Variants in GBF1 observed in about 807,000 individuals in gnomAD.
The protein encoded by GBF1 is Golgi-specific brefeldin A-resistance guanine nucleotide exchange factor 1.
In GBF1, 114 loss-of-function variants were observed where a neutral mutation model predicts 210.5. The ratio of observed to expected loss-of-function variants is 0.54; its 90% CI spans 0.47 to 0.63. GBF1 has a LOEUF of 0.63. Among genes scored for constraint, GBF1 ranks in the 30% least tolerant of loss-of-function variants. The probability of loss-of-function intolerance (pLI) is 0.00; values close to 1 mark genes in which losing one functional copy is unlikely to be tolerated. For synonymous variants in GBF1, 850 were observed against 889.2 expected (o/e 0.96, Z 0.78); for missense variants, 1,851 against 2,357.7 (o/e 0.79, Z 4.45).
chr10:102,260,770 C>T (rs1003497123), intron 3 of GBF1, among the ~76,000 whole-genome samples: 20 of 152,014 alleles, frequency 1.3e-4, no homozygotes, highest in Non-Finnish European at 8.8e-5. Context: ...AGCCACTGCG[C>T]CTGGCCTATA....
At chr10:102,373,756 A>G (rs576380089) in intron 29 of GBF1, among the ~76,000 whole-genome samples, 1 of 152,352 alleles carries the variant, frequency 6.6e-6, no homozygotes, top group South Asian at 2.1e-4. Context: ...TTACCATACA[A>G]CCCAGCAATT....
At chr10:102,339,790 A>C (rs1398771371) in intron 3 of GBF1, among the ~76,000 whole-genome samples, 1 of 152,138 alleles carries the variant, frequency 6.6e-6, no homozygotes, top group South Asian at 2.1e-4. Flanking sequence ...TGGCCAATTT[A>C]ATTTTTATTT....
intron 3 of GBF1, among the ~76,000 whole-genome samples, chr10:102,294,467 C>T (rs1046737820): frequency 7.3e-5 from 11 of 150,792 alleles, no homozygotes; most frequent in South Asian, 4.2e-4. Flanking sequence ...CTGCAACCTT[C>T]GCCTCCTGGG....
Position 102,351,339 on chromosome 10 carries a change from G to A in GBF1, c.379G>A (p.Ala127Thr). ...TGCTCGTTTTGTGGGCACGGATCCT[G>A]CCAGTGATGAAGTTGTCCTGATGAA... ...THARFVGTDP[A>T]SDEVVLMKIL... The change falls in exon 5 of 40, where the codon GCC becomes ACC. Residue 127 changes from alanine to threonine, a missense_variant. By Grantham distance (58) the Ala-to-Thr change is moderately conservative (BLOSUM62 0). Transcript: ENST00000369983. The A allele has an allele frequency of 6.2e-7, 1 of 1,606,658 alleles. No homozygotes were observed. Among genetic ancestry groups the A allele is most frequent in the Non-Finnish European group, 8.5e-7 (1 of 1,173,178 alleles).
At chr10:102,286,101 C>G (rs1023734294) in intron 3 of GBF1, among the ~76,000 whole-genome samples, 1 of 151,932 alleles carries the variant, frequency 6.6e-6, no homozygotes, top group African/African-American at 2.4e-5. Context: ...TGATCAAAGT[C>G]AGGCTTTGAA....
In GBF1 at chr10:102,363,771, A is replaced by G. The variant is rs753385043; in HGVS notation, c.2079A>G (p.Glu693=). ...RFSCLLPDPR[E]LIEIKNKKKL... ...CCTGTCTCCTGCCAGATCCACGGGA[A>G]CTAATTGAAATTAAAAACAAAAAGA... The change falls in exon 17 of 40, where the codon GAA becomes GAG. Residue 693 remains glutamate (E), a synonymous_variant. Transcript: ENST00000369983. The surrounding 1 kb of genome is among the most constrained non-coding windows in gnomAD (Gnocchi z 4.2). The G allele has an allele frequency of 1.2e-6, 2 of 1,612,030 alleles. No homozygotes were observed. The highest frequency in any genetic ancestry group is 2.2e-5 in the South Asian group (2 of 91,024).
At chr10:102,374,624 G>A (rs1388251400) in intron 29 of GBF1, among the ~76,000 whole-genome samples, 1 of 152,000 alleles carries the variant, frequency 6.6e-6, no homozygotes, top group Non-Finnish European at 1.5e-5. Flanking sequence ...CTGTTGTGGT[G>A]GAACTGTTCA....
chr10:102,375,574 AC>A lies in GBF1; in HGVS notation c.3878del (p.Pro1293LeufsTer19). On this transcript the variant is annotated frameshift_variant, in exon 30 of 40. Transcript: ENST00000369983. LOFTEE classifies it high-confidence loss of function. ...TGCAGGCCACAGCCAGGGCAGATGC[AC>A]CTGATGCCGGTAAGCCCTTTCCCAG... Reference protein sequence around the residue: ...ALQATARADAPDAGAQSDSEL... With the variant: ...ALQATARADAXDAGAQSDSEL... The A allele has an allele frequency of 2.5e-6, 4 of 1,608,064 alleles. No homozygotes were observed. The highest frequency in any genetic ancestry group is 3.4e-6 in the Non-Finnish European group (4 of 1,174,690).
chr10:102,351,129 G>A (rs1163797163), intron 4 of GBF1, 127 bp from the exon 5 acceptor site: 3 of 565,706 alleles, frequency 5.3e-6, no homozygotes, highest in Non-Finnish European at 6.3e-6. Context: ...AAATTCTCAG[G>A]TAGCTCAAGG....
At chr10:102,260,325 T>C (rs2073027684) in intron 3 of GBF1, among the ~76,000 whole-genome samples, 1 of 152,048 alleles carries the variant, frequency 6.6e-6, no homozygotes, top group Non-Finnish European at 1.5e-5. Flanking sequence ...ATATATATTT[T>C]CTTTTTGTTT....
chr10:102,299,612 G>A (rs1219285818), intron 3 of GBF1, among the ~76,000 whole-genome samples: 5 of 151,976 alleles, frequency 3.3e-5, no homozygotes, highest in African/African-American at 9.7e-5. Flanking sequence ...GAGAAACCCC[G>A]TCTCTACTAA....
At chr10:102,261,099 G>A (rs1365102773) in intron 3 of GBF1, among the ~76,000 whole-genome samples, 1 of 152,184 alleles carries the variant, frequency 6.6e-6, no homozygotes, top group Non-Finnish European at 1.5e-5. Flanking sequence ...AAGTGATTTA[G>A]CTGAGGTCAC....
chr10:102,320,352 T>C (rs1410485663), intron 3 of GBF1, among the ~76,000 whole-genome samples: 3 of 152,210 alleles, frequency 2.0e-5, no homozygotes, highest in African/African-American at 7.2e-5. Context: ...ATCCTCATTA[T>C]TCTGAAACAC....
intron 5 of GBF1, 66 bp from the exon 6 acceptor site, chr10:102,351,777 C>G (rs1382807975): frequency 2.2e-6 from 2 of 911,534 alleles, no homozygotes; most frequent in African/African-American, 1.6e-5. Context: ...GCTAACCCCT[C>G]TCTCTTACCC....
At chr10:102,365,647 A>C in intron 18 of GBF1, 48 bp downstream of exon 18, 14 of 1,494,864 alleles carry the variant, frequency 9.4e-6, no homozygotes, top group African/African-American at 1.4e-5. Flanking sequence ...ATGGTGGCTC[A>C]TGCCTGTAAT....
At chr10:102,256,061 G>A (rs7916262) in intron 1 of GBF1, among the ~76,000 whole-genome samples, 3 of 152,008 alleles carry the variant, frequency 2.0e-5, no homozygotes, top group East Asian at 3.9e-4. Flanking sequence ...TCCTCCCACC[G>A]CAGCCTCCCT....
rs1310533973 is a variant in GBF1 at position 102,367,075 on chromosome 10, G to T, written c.2434-10G>T. Reference sequence around the variant, plus strand: ...GGGCATTGACACAGGCGGGATCTTTGCTTTTTCAGAATTGTAATGGCTCCC... The same window carrying T: ...GGGCATTGACACAGGCGGGATCTTTTCTTTTTCAGAATTGTAATGGCTCCC... On this transcript the variant is annotated splice_polypyrimidine_tract_variant and intron_variant, in intron 19 of 39. Transcript: ENST00000369983. 1 of 1,613,888 alleles carries T rather than the reference G, an allele frequency of 6.2e-7. No individual in the cohort carries two copies. The highest frequency in any genetic ancestry group is 1.1e-5 in the South Asian group (1 of 91,048).
chr10:102,277,962 A>AT (rs1565049687), intron 3 of GBF1, among the ~76,000 whole-genome samples: 1 of 152,054 alleles, frequency 6.6e-6, no homozygotes, highest in Non-Finnish European at 1.5e-5. Context: ...CATTAAAAAC[A>AT]TTTTTTTAAA....
intron 3 of GBF1, among the ~76,000 whole-genome samples, chr10:102,315,857 G>A (rs188632229): frequency 6.6e-6 from 1 of 152,172 alleles, no homozygotes; most frequent in African/African-American, 2.4e-5. Context: ...CCAGGAGCTT[G>A]CAGACTACAA....
Sources: gnomAD v4.1 joint callset for allele counts (sites outside exome capture counted in the v4.1 genomes callset) on GRCh38, gnomAD v4.1.1 for gene constraint, Gnocchi (gnomAD v3.1) non-coding constraint, MANE v1.5 for transcripts, NCBI Gene and HGNC (gene_info 2026-07-23, HGNC 2026-07-21) for gene names.